Variants in RABEP1 observed in about 807,000 individuals in gnomAD.
RABEP1 encodes rabaptin, RAB GTPase binding effector protein 1.
A neutral mutation model predicts 123.4 loss-of-function variants in RABEP1; 51 were observed. The ratio of observed to expected loss-of-function variants is 0.41; its 90% CI spans 0.33 to 0.52. The LOEUF is 0.52. Ranked by LOEUF, RABEP1 falls within the 20% of genes least tolerant of loss-of-function variation. The pLI is 0.16. For missense variants in RABEP1, 888 were observed against 996.3 expected, an observed-to-expected ratio of 0.89 and a Z score of 1.46; for synonymous variants, 347 against 355.2, an observed-to-expected ratio of 0.98 and a Z score of 0.26.
At chr17:5,319,248 C>G (rs999993070) in intron 2 of RABEP1, among the ~76,000 whole-genome samples, 2 of 144,274 alleles carry the variant, frequency 1.4e-5, no homozygotes, top group African/African-American at 2.5e-5. Context: ...GGGAATTGCT[C>G]GAGCCCAGAG....
intron 2 of RABEP1, among the ~76,000 whole-genome samples, chr17:5,318,712 A>G (rs559600021): frequency 3.3e-5 from 5 of 152,334 alleles, no homozygotes; most frequent in African/African-American, 4.8e-5. Flanking sequence ...AACTCATTCT[A>G]TGAGGTCTGC....
intron 1 of RABEP1, among the ~76,000 whole-genome samples, chr17:5,298,619 A>G (rs1253751834): frequency 6.6e-6 from 1 of 150,886 alleles, no homozygotes; most frequent in African/African-American, 2.4e-5. Context: ...TTCTTAATGT[A>G]TGGCCAGTCT....
At chr17:5,299,272 C>T (rs949384456) in intron 1 of RABEP1, among the ~76,000 whole-genome samples, 1 of 152,090 alleles carries the variant, frequency 6.6e-6, no homozygotes, top group African/African-American at 2.4e-5. Flanking sequence ...ATCTTGTACA[C>T]TTCCTGCCCT....
At chr17:5,285,826 G>C (rs1567860583) in intron 1 of RABEP1, among the ~76,000 whole-genome samples, 2 of 149,662 alleles carry the variant, frequency 1.3e-5, no homozygotes, top group Non-Finnish European at 3.0e-5. Context: ...CTACTTCCAG[G>C]TCAGTGTTGT....
intron 1 of RABEP1, among the ~76,000 whole-genome samples, chr17:5,294,633 C>CTATTTTT (rs2075063675): frequency 1.9e-5 from 1 of 53,024 alleles, no homozygotes. Flanking sequence ...ACGGTATTGT[C>CTATTTTT]TTTTTTTTTT....
chr17:5,334,637 T>G (rs1906886716), intron 3 of RABEP1, among the ~76,000 whole-genome samples: 1 of 152,212 alleles, frequency 6.6e-6, no homozygotes, highest in Non-Finnish European at 1.5e-5. Context: ...GTGCTAGGGT[T>G]ACAGGTGTGT....
chr17:5,299,528 C>G (rs918990215), intron 1 of RABEP1, among the ~76,000 whole-genome samples: 9 of 151,622 alleles, frequency 5.9e-5, no homozygotes, highest in African/African-American at 2.2e-4. Flanking sequence ...TAATGAGTCC[C>G]TAGGGCCACT....
At chr17:5,336,718 T>TC (rs914366119) in intron 4 of RABEP1, 17 of 245,266 alleles carry the variant, frequency 6.9e-5, no homozygotes, top group African/African-American at 3.8e-4. Flanking sequence ...TCCTTTTTTT[T>TC]CCTGTTGTTT....
chr17:5,366,599 C>T (rs528291646), intron 11 of RABEP1, among the ~76,000 whole-genome samples: 2 of 152,096 alleles, frequency 1.3e-5, no homozygotes, highest in Admixed American at 6.5e-5. Context: ...GCACTTACCA[C>T]CACACCTGGC....
rs749251939 is a variant in RABEP1 at position 5,361,505 on chromosome 17, G to A, written c.1393G>A (p.Gly465Arg). Reference protein sequence around the residue: ...ASLGSLQMPSGFMLTKDQERA... With the variant: ...ASLGSLQMPSRFMLTKDQERA... ...CCTTGGGTCACTCCAGATGCCAAGTGGGTTTATGTTAACCAAAGATCAGGA... is the reference window on the plus strand; with the variant it reads ...CCTTGGGTCACTCCAGATGCCAAGTAGGTTTATGTTAACCAAAGATCAGGA... Residue 465 changes from glycine to arginine, a missense_variant, in exon 9 of 18, where the codon GGG (glycine) becomes AGG (arginine). Gly to Arg is a moderately radical substitution (Grantham distance 125). Coordinates refer to ENST00000537505, the MANE Select transcript of RABEP1 (RefSeq NM_004703.6). 1 of 1,614,148 alleles carries A rather than the reference G, an allele frequency of 6.2e-7. No homozygotes were observed. Among genetic ancestry groups the A allele is most frequent in the Non-Finnish European group, 8.5e-7 (1 of 1,180,034 alleles).
At chr17:5,313,371 C>T (rs1049732177) in intron 2 of RABEP1, among the ~76,000 whole-genome samples, 2 of 152,208 alleles carry the variant, frequency 1.3e-5, no homozygotes, top group African/African-American at 4.8e-5. Flanking sequence ...ACCAAAACCT[C>T]TGTAGCTTGT....
intron 7 of RABEP1, among the ~76,000 whole-genome samples, chr17:5,353,373 A>G (rs1343513291): frequency 6.6e-6 from 1 of 152,146 alleles, no homozygotes; most frequent in Non-Finnish European, 1.5e-5. Context: ...CTCCTTCTTT[A>G]GAACCTTGTA....
At chr17:5,296,206 T>G (rs1295628329) in intron 1 of RABEP1, among the ~76,000 whole-genome samples, 1 of 152,220 alleles carries the variant, frequency 6.6e-6, no homozygotes, top group Non-Finnish European at 1.5e-5. Flanking sequence ...TGCGATTATA[T>G]TCATAAGTGA....
At chr17:5,329,019 C>CTTTTTTTTTT (rs760060600) in intron 2 of RABEP1, among the ~76,000 whole-genome samples, 11 of 110,654 alleles carry the variant, frequency 9.9e-5, no homozygotes, top group East Asian at 2.6e-4. Context: ...TTCAGAAAGA[C>CTTTTTTTTTT]TTTTTTTTTT....
intron 5 of RABEP1, 56 bp from the exon 6 acceptor site, chr17:5,346,734 A>G (rs1473543778): frequency 2.9e-6 from 4 of 1,400,788 alleles, no homozygotes; most frequent in East Asian, 2.5e-5. Context: ...ATCATTCTGT[A>G]TCTAAGATAG....
chr17:5,373,268 C>T (rs1910672045), intron 12 of RABEP1, 46 bp from the exon 13 acceptor site: 1 of 1,582,798 alleles, frequency 6.3e-7, no homozygotes, highest in African/African-American at 1.3e-5. Flanking sequence ...TATCACCAGA[C>T]CGGATCTACC....
At chr17:5,318,880 G>C (rs79989488) in intron 2 of RABEP1, among the ~76,000 whole-genome samples, 20,715 of 152,110 alleles carry the variant, frequency 0.14, 1,472 homozygotes, top group East Asian at 0.18. Flanking sequence ...ATTTGTGTAG[G>C]TACGCAAGAC....
At position 5,373,963 on chromosome 17, in the gene RABEP1, TTAAA is replaced by T. The variant is rs373233363; in HGVS notation, c.2025+511_2025+514del. Reference sequence around the variant, plus strand: ...GCCCAGATTGAGAGTGTGCCAGAAATTAAATGTTTGAAGGGGTTACCATGCTGGC... The same window carrying T: ...GCCCAGATTGAGAGTGTGCCAGAAATTGTTTGAAGGGGTTACCATGCTGGC... On this transcript the variant is annotated intron_variant, in intron 13 of 17. Transcript: ENST00000537505. Among the ~76,000 whole-genome samples, 92 of 152,132 alleles carry T rather than the reference TTAAA, an allele frequency of 6.0e-4. 1 individual carries two copies. The highest frequency in any genetic ancestry group is 2.2e-3 in the African/African-American group (90 of 41,508).
intron 6 of RABEP1, among the ~76,000 whole-genome samples, chr17:5,348,218 A>G (rs1908237600): frequency 6.6e-6 from 1 of 152,198 alleles, no homozygotes; most frequent in Non-Finnish European, 1.5e-5. Flanking sequence ...ACCTCAGGTG[A>G]TCCATCCGCC....
Sources: gnomAD v4.1 joint callset for allele counts (sites outside exome capture counted in the v4.1 genomes callset) on GRCh38, gnomAD v4.1.1 for gene constraint, MANE v1.5 for transcripts, NCBI Gene and HGNC (gene_info 2026-07-23, HGNC 2026-07-21) for gene names.